Variants in GSE1 observed in about 807,000 individuals in gnomAD.
GSE1 encodes the protein genetic suppressor element 1.
In GSE1, 32 loss-of-function variants were observed where a neutral mutation model predicts 112.6. The ratio of observed to expected loss-of-function variants is 0.28; its 90% CI spans 0.21 to 0.38. The LOEUF (loss-of-function observed/expected upper bound fraction) is 0.38. GSE1 is among the 10% of genes least tolerant of loss of function. The probability of loss-of-function intolerance (pLI) is 1.00; values close to 1 mark genes in which losing one functional copy is unlikely to be tolerated. For missense variants in GSE1, 2,348 were observed against 1,699.2 expected, an observed-to-expected ratio of 1.38 and a Z score of -6.71; for synonymous variants, 1,115 against 735.6, an observed-to-expected ratio of 1.52 and a Z score of -8.35.
chr16:85,665,856 C>G (rs1598692301), intron 12 of GSE1, 120 bp from the exon 13 acceptor site: 3 of 922,590 alleles, frequency 3.3e-6, no homozygotes, highest in East Asian at 4.9e-5. Flanking sequence ...TTCCCCGGGT[C>G]TTGGTTCTTT....
intron 2 of GSE1, among the ~76,000 whole-genome samples, chr16:85,481,931 C>A (rs16975639): frequency 6.6e-6 from 1 of 152,218 alleles, no homozygotes; most frequent in African/African-American, 2.4e-5. Context: ...TCTCAGCCGC[C>A]GACGGACCAT....
upstream of GSE1, among the ~76,000 whole-genome samples, chr16:85,606,504 G>C (rs1054580706): frequency 6.6e-6 from 1 of 152,220 alleles, no homozygotes; most frequent in African/African-American, 2.4e-5. Context: ...CACCAGAGGC[G>C]GCTCCTGGCA....
chr16:85,397,251 A>G (rs2047988195), intron 2 of GSE1, among the ~76,000 whole-genome samples: 1 of 152,226 alleles, frequency 6.6e-6, no homozygotes, highest in Non-Finnish European at 1.5e-5. Flanking sequence ...GGGGAAGCAG[A>G]TAGCAGCTCA....
At chr16:85,211,307 T>C (rs1287102055) in intron 1 of GSE1, among the ~76,000 whole-genome samples, 2 of 151,612 alleles carry the variant, frequency 1.3e-5, no homozygotes, top group Admixed American at 1.3e-4. Context: ...TGGTTTTTTT[T>C]TTTTGTTTTT....
intron 1 of GSE1, among the ~76,000 whole-genome samples, chr16:85,297,592 C>T (rs1245183895): frequency 5.3e-5 from 8 of 152,108 alleles, no homozygotes; most frequent in South Asian, 2.1e-4. Context: ...CTCCACCTCT[C>T]AGGCTCATGT....
At chr16:85,526,519 G>T (rs987496787) in intron 2 of GSE1, among the ~76,000 whole-genome samples, 10 of 152,242 alleles carry the variant, frequency 6.6e-5, no homozygotes, top group African/African-American at 2.4e-4. Context: ...TTCAAAGGCA[G>T]CGGCTGCCTG....
At chr16:85,611,413 T>G, upstream of GSE1, 1 of 956,364 alleles carries the variant, frequency 1.0e-6, no homozygotes. Flanking sequence ...CGAGCCACCG[T>G]GTGGTGCGTA....
intron 1 of GSE1, among the ~76,000 whole-genome samples, chr16:85,585,741 GCGATGACACGAGCAT>G (rs2046663253): frequency 6.6e-6 from 1 of 152,182 alleles, no homozygotes; most frequent in African/African-American, 2.4e-5. Context: ...AGAGCTGACG[GCGATGACACGAGCAT>G]CATCCCACTC....
chr16:85,465,841 A>C (rs1188240425), intron 2 of GSE1, among the ~76,000 whole-genome samples: 1 of 152,182 alleles, frequency 6.6e-6, no homozygotes, highest in Admixed American at 6.5e-5. Context: ...TGCCCAATAA[A>C]TGTTTGTCAT....
intron 2 of GSE1, among the ~76,000 whole-genome samples, chr16:85,385,662 G>C (rs548092717): frequency 7.9e-5 from 12 of 152,340 alleles, no homozygotes; most frequent in African/African-American, 2.9e-4. Context: ...CGGGGAGTCT[G>C]ATGAAGTTCA....
chr16:85,330,976 G>C (rs1388427576), intron 1 of GSE1, among the ~76,000 whole-genome samples: 1 of 152,086 alleles, frequency 6.6e-6, no homozygotes, highest in Admixed American at 6.6e-5. Flanking sequence ...TTTGGGGTAG[G>C]ATTTAATGCA....
chr16:85,290,632 C>A (rs557392079), intron 1 of GSE1, among the ~76,000 whole-genome samples: 2 of 152,266 alleles, frequency 1.3e-5, no homozygotes, highest in South Asian at 4.1e-4. Flanking sequence ...AGCAAGGGAG[C>A]ACCTTTTTCC....
chr16:85,230,848 T>TGGAC (rs1304780209), intron 1 of GSE1, among the ~76,000 whole-genome samples: 1 of 151,740 alleles, frequency 6.6e-6, no homozygotes, highest in African/African-American at 2.4e-5. Flanking sequence ...GATGGATGGA[T>TGGAC]GGATGGATGG....
chr16:85,620,753 TCTC>T (rs535995288), intron 1 of GSE1, among the ~76,000 whole-genome samples: 91 of 152,158 alleles, frequency 6.0e-4, no homozygotes, highest in Non-Finnish European at 1.1e-3. Context: ...TCTGCACTGT[TCTC>T]AGCCCTGGGT....
At position 85,267,546 on chromosome 16, in the gene GSE1, C is replaced by T. The variant is rs1212074948; in HGVS notation, c.2284-89917C>T. On this transcript the variant is annotated intron_variant, in intron 1 of 2. Coordinates refer to the GSE1 transcript ENST00000637419. The stretch of plus-strand genomic sequence containing the variant: ...ACAGTCACGTCACGCTCCTTAGCCA[C>T]CCCCTGCGAGCTTGCATCTAGCTGC... Among the ~76,000 whole-genome samples the T allele has an allele frequency of 2.6e-5, 4 of 152,120 alleles. No homozygotes were observed. The East Asian group carries it at 7.7e-4, about 29-fold the overall frequency.
chr16:85,239,970 GA>G (rs1000828289), intron 1 of GSE1, among the ~76,000 whole-genome samples: 1 of 152,232 alleles, frequency 6.6e-6, no homozygotes, highest in Non-Finnish European at 1.5e-5. Flanking sequence ...GCCTGACATT[GA>G]ACTGTGTGCG....
At chr16:85,339,268 G>C (rs574208341) in intron 1 of GSE1, among the ~76,000 whole-genome samples, 1 of 152,306 alleles carries the variant, frequency 6.6e-6, no homozygotes, top group South Asian at 2.1e-4. Context: ...ATGCCAAGCT[G>C]GCTGACCCGG....
intron 2 of GSE1, among the ~76,000 whole-genome samples, chr16:85,403,441 G>A (rs2048166958): frequency 6.6e-6 from 1 of 152,072 alleles, no homozygotes; most frequent in African/African-American, 2.4e-5. Flanking sequence ...AGGGTCTCTT[G>A]GTTGGTTAAG....
intron 2 of GSE1, among the ~76,000 whole-genome samples, chr16:85,455,522 C>T (rs913708993): frequency 1.1e-4 from 16 of 152,178 alleles, no homozygotes; most frequent in African/African-American, 2.4e-4. Flanking sequence ...ATGCTCAGGC[C>T]GGTGTGGGTT....
Sources: gnomAD v4.1 joint callset for allele counts (sites outside exome capture counted in the v4.1 genomes callset) on GRCh38, gnomAD v4.1.1 for gene constraint, MANE v1.5 for transcripts, NCBI Gene and HGNC (gene_info 2026-07-23, HGNC 2026-07-21) for gene names.